Variants in ACSM2A observed in about 807,000 individuals in gnomAD.
ACSM2A encodes acyl-CoA synthetase medium chain family member 2A.
ACSM2A carries 72 observed loss-of-function variants against 76.6 expected under a neutral mutation model. The ratio of observed to expected loss-of-function variants is 0.94; its 90% CI spans 0.78 to 1.14. The LOEUF is 1.14. Ranked by LOEUF, ACSM2A falls within the 50% of genes most tolerant of loss-of-function variation. The pLI is 0.00. For synonymous variants in ACSM2A, 249 were observed against 255.9 expected, an observed-to-expected ratio of 0.97 and a Z score of 0.26; for missense variants, 684 against 708.5, an observed-to-expected ratio of 0.97 and a Z score of 0.39.
rs1491220649 is a variant in ACSM2A, at chr16:20,458,906, A to AGTG, written c.-8-1201_-8-1200insGTG. 2.1e-3 allele frequency among the ~76,000 whole-genome samples: 62 copies of AGTG among 30,134 alleles called. 1 individual carries two copies. Among genetic ancestry groups the AGTG allele is most frequent in the African/African-American group, 0.015 (53 of 3,554 alleles). 19.8% of individuals were successfully genotyped at this position (30,134 alleles called of 152,430 possible). A position where few individuals can be genotyped will look rare whatever the true frequency, so the allele number is the denominator to read the frequency against. ...CATAGTATATATTATATATATATGCATATATATATATATATATATATATAT... is the reference window on the plus strand; with the variant it reads ...CATAGTATATATTATATATATATGCAGTGTATATATATATATATATATATATAT... On this transcript the variant is annotated intron_variant, in intron 1 of 13. Transcript: ENST00000573854.
Position 20,473,665 on chromosome 16 carries a change from A to G in ACSM2A, c.895-1697A>G, listed in dbSNP as rs189088872. ...ACTTGTAAACCAAAAATAAAATCCTAAGGCCCCATCCCGCCAGCCATCTGA... is the reference window on the plus strand; with the variant it reads ...ACTTGTAAACCAAAAATAAAATCCTGAGGCCCCATCCCGCCAGCCATCTGA... On this transcript the variant is annotated intron_variant, in intron 6 of 13. Transcript: ENST00000573854. Among the ~76,000 whole-genome samples, 907 of 152,196 alleles carry G rather than the reference A, an allele frequency of 6.0e-3. 2 individuals are homozygous for G. Among genetic ancestry groups the G allele is most frequent in the Non-Finnish European group, 9.6e-3 (650 of 67,996 alleles).
intron 1 of ACSM2A, among the ~76,000 whole-genome samples, chr16:20,457,619 C>T (rs2012267706): frequency 6.6e-6 from 1 of 151,916 alleles, no homozygotes; most frequent in Non-Finnish European, 1.5e-5. Flanking sequence ...CCAGCATCCT[C>T]TTATGATTAA....
At chr16:20,477,260 C>A in intron 8 of ACSM2A, 109 bp from the exon 9 acceptor site, 1 of 1,435,878 alleles carries the variant, frequency 7.0e-7, no homozygotes, top group Non-Finnish European at 9.2e-7. Context: ...CCACCAAGTG[C>A]AGGCCAAGTT....
chr16:20,480,809 G>T lies in ACSM2A; in HGVS notation c.1410-13G>T. 2 of 1,613,902 alleles carry T rather than the reference G, an allele frequency of 1.2e-6. No homozygotes were observed. The highest frequency in any genetic ancestry group is 1.7e-6 in the Non-Finnish European group (2 of 1,179,852). Reference sequence around the variant, plus strand: ...GGTGTCCAGTGTTCTCTGAAGGACAGGTTCTTCTGCAGGTACCGGATTGGA... The same window carrying T: ...GGTGTCCAGTGTTCTCTGAAGGACATGTTCTTCTGCAGGTACCGGATTGGA... On this transcript the variant is annotated splice_polypyrimidine_tract_variant and intron_variant, in intron 11 of 13. Coordinates refer to ENST00000573854, the MANE Select transcript of ACSM2A (RefSeq NM_001308172.2).
chr16:20,458,831 T>C (rs1392571586), intron 1 of ACSM2A, among the ~76,000 whole-genome samples: 1 of 142,622 alleles, frequency 7.0e-6, no homozygotes, highest in African/African-American at 2.5e-5. Flanking sequence ...CATAAATATA[T>C]ATAAAAAAGA....
chr16:20,481,179 A>C (rs566056507), intron 12 of ACSM2A: 1 of 491,628 alleles, frequency 2.0e-6, no homozygotes, highest in Non-Finnish European at 3.6e-6. Flanking sequence ...TTTCTAAAAA[A>C]ACTAAACAGA....
At chr16:20,483,849 A>T (rs1296420185) in intron 13 of ACSM2A, among the ~76,000 whole-genome samples, 1 of 152,084 alleles carries the variant, frequency 6.6e-6, no homozygotes, top group Non-Finnish European at 1.5e-5. Flanking sequence ...TGAAAAGTCC[A>T]GGGGTGGGGA....
intron 5 of ACSM2A, 95 bp from the exon 6 acceptor site, chr16:20,471,441 A>C: frequency 6.6e-7 from 1 of 1,522,200 alleles, no homozygotes; most frequent in Non-Finnish European, 8.9e-7. Context: ...ACACCTCTGC[A>C]CACACACCTC....
chr16:20,475,893 C>T lies in ACSM2A; in HGVS notation c.1098+120C>T, dbSNP rs7194172. 4.9e-3 allele frequency: 7,516 copies of T among 1,539,914 alleles called. 312 individuals carry two copies. In the African/African-American group the frequency reaches 0.089, roughly 18 times the overall value. On this transcript the variant is annotated intron_variant, in intron 8 of 13. Transcript: ENST00000573854. ...ATCTATTCGAGAAGTATTTATTGAGCCTCTATGAAGGGACAGGTACTGAGT... is the reference window on the plus strand; with the variant it reads ...ATCTATTCGAGAAGTATTTATTGAGTCTCTATGAAGGGACAGGTACTGAGT...
intron 1 of ACSM2A, chr16:20,453,181 C>T (rs1327905821): frequency 6.6e-6 from 1 of 152,012 alleles, no homozygotes; most frequent in Non-Finnish European, 1.5e-5. Flanking sequence ...CATGCACAGC[C>T]TCACCATGCA....
chr16:20,464,814 G>A (rs542310494), intron 2 of ACSM2A, among the ~76,000 whole-genome samples: 298 of 152,212 alleles, frequency 2.0e-3, no homozygotes, highest in Non-Finnish European at 2.4e-3. Context: ...GTGTAACGGG[G>A]ACAGAGTTTT....
At chr16:20,458,674 C>A (rs1267596336) in intron 1 of ACSM2A, among the ~76,000 whole-genome samples, 1 of 137,966 alleles carries the variant, frequency 7.2e-6, no homozygotes, top group African/African-American at 2.6e-5. Flanking sequence ...TATAATATAT[C>A]TATATATCTC....
intron 10 of ACSM2A, among the ~76,000 whole-genome samples, chr16:20,480,297 C>T (rs1049125128): frequency 3.3e-5 from 5 of 152,200 alleles, no homozygotes; most frequent in Non-Finnish European, 7.4e-5. Flanking sequence ...GGGAAAATGC[C>T]CTAAGCATGG....
chr16:20,483,462 C>T (rs1477397746), intron 13 of ACSM2A, among the ~76,000 whole-genome samples: 1 of 145,136 alleles, frequency 6.9e-6, no homozygotes, highest in African/African-American at 2.5e-5. Context: ...CCCAGCTACT[C>T]AGGAGGCTGA....
intron 2 of ACSM2A, among the ~76,000 whole-genome samples, chr16:20,461,918 G>A (rs1258812947): frequency 6.6e-6 from 1 of 152,102 alleles, no homozygotes; most frequent in Non-Finnish European, 1.5e-5. Flanking sequence ...TAATTTGGAG[G>A]GCAGGGGGCT....
In ACSM2A at chr16:20,484,761, T is replaced by C. The variant is rs190934299; in HGVS notation, c.1629+1584T>C. 3.7e-4 allele frequency among the ~76,000 whole-genome samples: 57 copies of C among 152,268 alleles called. 1 individual carries two copies. Among genetic ancestry groups the C allele is most frequent in the African/African-American group, 1.3e-3 (53 of 41,548 alleles). Reference sequence around the variant, plus strand: ...AAGGTGAGGAAGGGAAGGGGGTCTTTACAGTCACAGGTGGATCAGGTATAG... The same window carrying C: ...AAGGTGAGGAAGGGAAGGGGGTCTTCACAGTCACAGGTGGATCAGGTATAG... On this transcript the variant is annotated intron_variant, in intron 13 of 13. Transcript: ENST00000573854.
At chr16:20,485,252 G>C (rs2014321878) in intron 13 of ACSM2A, among the ~76,000 whole-genome samples, 1 of 152,184 alleles carries the variant, frequency 6.6e-6, no homozygotes, top group African/African-American at 2.4e-5. Flanking sequence ...GAGTCAAGGA[G>C]TCCTACCACA....
At chr16:20,451,909 G>A (rs1157557091) in intron 1 of ACSM2A, among the ~76,000 whole-genome samples, 2 of 148,658 alleles carry the variant, frequency 1.3e-5, no homozygotes, top group Non-Finnish European at 3.0e-5. Context: ...GGAAAAAGGT[G>A]GTAACAGGGG....
chr16:20,484,170 G>A lies in ACSM2A; in HGVS notation c.1629+993G>A, dbSNP rs1378113837. 2.0e-5 allele frequency among the ~76,000 whole-genome samples: 3 copies of A among 150,444 alleles called. No individual in the cohort carries two copies. The East Asian group carries it at 5.8e-4, about 29-fold the overall frequency. On this transcript the variant is annotated intron_variant, in intron 13 of 13. Coordinates refer to ENST00000573854, the MANE Select transcript of ACSM2A (RefSeq NM_001308172.2). ...ACACTGATTAGCCAAGTCATCCTCAGAGAAAGTGCAGGGGGGATGGGGGAG... is the reference window on the plus strand; with the variant it reads ...ACACTGATTAGCCAAGTCATCCTCAAAGAAAGTGCAGGGGGGATGGGGGAG...
Sources: gnomAD v4.1 joint callset for allele counts (sites outside exome capture counted in the v4.1 genomes callset) on GRCh38, gnomAD v4.1.1 for gene constraint, MANE v1.5 for transcripts, NCBI Gene and HGNC (gene_info 2026-07-23, HGNC 2026-07-21) for gene names.